Variants in ATXN1 observed in about 807,000 individuals in gnomAD.
ATXN1 encodes the protein ataxin 1, also known as ataxin-1.
A neutral mutation model predicts 56.4 loss-of-function variants in ATXN1; 8 were observed. The observed-to-expected ratio is 0.14, with a 90% CI of 0.08 to 0.26. ATXN1 has a LOEUF of 0.26. Ranked by LOEUF, ATXN1 falls within the 10% of genes least tolerant of loss-of-function variation. ATXN1 has a pLI of 1.00. For synonymous variants in ATXN1, 514 were observed against 494.6 expected (o/e 1.04, Z -0.52); for missense variants, 987 against 1,106.5 (o/e 0.89, Z 1.53).
intron 6 of ATXN1, among the ~76,000 whole-genome samples, chr6:16,354,548 A>G (rs1761644807): frequency 6.6e-6 from 1 of 152,022 alleles, no homozygotes; most frequent in Non-Finnish European, 1.5e-5. Flanking sequence ...CCGCACTCGG[A>G]CCCTTCTATT....
rs553080917 is a variant in ATXN1 at position 16,698,784 on chromosome 6, G to A, written c.-614-40883C>T. ...AACAAACAGGCTGTGTGTTGTAGGA[G>A]TGGTCATTTAACCGCACTAAGCCTC... On this transcript the variant is annotated intron_variant, in intron 2 of 7. Coordinates refer to ENST00000436367, the MANE Select transcript of ATXN1 (RefSeq NM_001128164.2). Among the ~76,000 whole-genome samples, 7 of 152,202 alleles carry A rather than the reference G, an allele frequency of 4.6e-5. No homozygotes were observed. In the South Asian group the frequency reaches 1.5e-3, roughly 32 times the overall value.
At chr6:16,408,587 T>C (rs905973095) in intron 6 of ATXN1, among the ~76,000 whole-genome samples, 2 of 152,174 alleles carry the variant, frequency 1.3e-5, no homozygotes, top group Non-Finnish European at 2.9e-5. Flanking sequence ...ATCACGTATT[T>C]TGTCACTTAC....
At chr6:16,710,515 C>G (rs1254649101) in intron 2 of ATXN1, among the ~76,000 whole-genome samples, 2 of 152,068 alleles carry the variant, frequency 1.3e-5, no homozygotes, top group Admixed American at 1.3e-4. Context: ...AGAGGACTCA[C>G]GCTATCTGTT....
intron 6 of ATXN1, among the ~76,000 whole-genome samples, chr6:16,419,479 A>G (rs1324651475): frequency 6.6e-6 from 1 of 151,832 alleles, no homozygotes; most frequent in Non-Finnish European, 1.5e-5. Context: ...TAATATTTTG[A>G]GTAATTTAAA....
chr6:16,305,272 C>CT lies in ATXN1; in HGVS notation c.*1056dup, dbSNP rs1760213890. 1 of 143,484 alleles carries CT rather than the reference C, an allele frequency of 7.0e-6. No homozygotes were observed. The highest frequency in any genetic ancestry group is 7.2e-5 in the Admixed American group (1 of 13,820). The allele number at this position is 143,484 out of a possible 1,614,324, so 8.9% of individuals were successfully genotyped here. ...CTAATTCCTCATGTCACACTGGAAT[C>CT]TGAAAAAAAAAAAAAGTGGCACCCG... is the stretch of plus-strand genomic sequence containing the variant. On this transcript the variant is annotated 3_prime_UTR_variant, in exon 8 of 8. Coordinates refer to ENST00000436367, the MANE Select transcript of ATXN1 (RefSeq NM_001128164.2).
At chr6:16,664,998 T>C (rs1758396277) in intron 2 of ATXN1, among the ~76,000 whole-genome samples, 1 of 152,056 alleles carries the variant, frequency 6.6e-6, no homozygotes, top group Admixed American at 6.5e-5. Flanking sequence ...GTGACAAGAG[T>C]GAGATCCATT....
At chr6:16,432,137 A>G (rs1306859917) in intron 6 of ATXN1, among the ~76,000 whole-genome samples, 2 of 152,230 alleles carry the variant, frequency 1.3e-5, no homozygotes, top group East Asian at 3.8e-4. Context: ...CCCCTCCTCC[A>G]AAAGTATTTA....
intron 6 of ATXN1, among the ~76,000 whole-genome samples, chr6:16,431,163 G>A (rs1049644506): frequency 6.6e-6 from 1 of 152,250 alleles, no homozygotes; most frequent in Middle Eastern, 3.4e-3. Flanking sequence ...CAGGAGCGTA[G>A]ATAGGAGTGG....
At position 16,591,540 on chromosome 6, in the gene ATXN1, C is replaced by T. The variant is rs570987705; in HGVS notation, c.-488-5633G>A. On this transcript the variant is annotated intron_variant, in intron 3 of 7. Transcript: ENST00000436367. ...TTCTTTGTTCATTATGCTGGTCCTT[C>T]AATCAGGGATGTCCTCATTCATTCA... Among the ~76,000 whole-genome samples, 10 of 152,296 alleles carry T rather than the reference C, an allele frequency of 6.6e-5. No homozygotes were observed. The South Asian group carries it at 2.1e-3, about 32-fold the overall frequency.
intron 6 of ATXN1, among the ~76,000 whole-genome samples, chr6:16,346,664 C>G (rs759618289): frequency 7.2e-5 from 11 of 152,096 alleles, no homozygotes; most frequent in Non-Finnish European, 1.3e-4. Context: ...TCTTTTTTGT[C>G]GCCGGGTCTC....
chr6:16,688,125 AT>A (rs538309540), intron 2 of ATXN1, among the ~76,000 whole-genome samples: 31 of 152,206 alleles, frequency 2.0e-4, no homozygotes, highest in Non-Finnish European at 4.0e-4. Flanking sequence ...ACTTGTGTAT[AT>A]TGTATCACAG....
rs188812693 is a variant in ATXN1, at chr6:16,548,331, G to C, written c.-360-25643C>G. On this transcript the variant is annotated intron_variant, in intron 4 of 7. Transcript: ENST00000436367. ...GTGAGTCAGTGAGTGGGTGGTGAGC[G>C]AATGTGAAGGCCTAGGACATTACTG... Among the ~76,000 whole-genome samples, 3 of 152,292 alleles carry C rather than the reference G, an allele frequency of 2.0e-5. No homozygotes were observed. In the East Asian group the frequency reaches 5.8e-4, roughly 29 times the overall value.
At chr6:16,670,682 AT>A (rs1162927967) in intron 2 of ATXN1, among the ~76,000 whole-genome samples, 2 of 152,224 alleles carry the variant, frequency 1.3e-5, no homozygotes, top group African/African-American at 4.8e-5. Flanking sequence ...GCCAAGTCGC[AT>A]TGATGCATTT....
chr6:16,413,563 T>A (rs1290654821), intron 6 of ATXN1, among the ~76,000 whole-genome samples: 1 of 152,022 alleles, frequency 6.6e-6, no homozygotes, highest in Non-Finnish European at 1.5e-5. Flanking sequence ...AATGGATGAG[T>A]GAATGTGAAT....
intron 6 of ATXN1, among the ~76,000 whole-genome samples, chr6:16,348,947 G>A (rs905066806): frequency 8.5e-5 from 13 of 152,178 alleles, no homozygotes. Flanking sequence ...TCTGATGCAA[G>A]TTAATTAATT....
chr6:16,515,569 T>C (rs1008111036), intron 5 of ATXN1, among the ~76,000 whole-genome samples: 2 of 152,238 alleles, frequency 1.3e-5, no homozygotes, highest in Non-Finnish European at 2.9e-5. Flanking sequence ...TTCTTTGGTC[T>C]GACACATGTG....
At chr6:16,561,650 CA>C (rs550397353) in intron 4 of ATXN1, among the ~76,000 whole-genome samples, 1 of 151,322 alleles carries the variant, frequency 6.6e-6, no homozygotes, top group African/African-American at 2.4e-5. Context: ...AAATGTGGAC[CA>C]AAAAAAAGAT....
At chr6:16,713,658 C>T (rs1214142830) in intron 2 of ATXN1, among the ~76,000 whole-genome samples, 1 of 152,160 alleles carries the variant, frequency 6.6e-6, no homozygotes, top group Non-Finnish European at 1.5e-5. Context: ...GTTCTCCACC[C>T]GCTTACTACC....
At chr6:16,511,039 G>A (rs1303100676) in intron 5 of ATXN1, among the ~76,000 whole-genome samples, 1 of 152,190 alleles carries the variant, frequency 6.6e-6, no homozygotes, top group Non-Finnish European at 1.5e-5. Flanking sequence ...GATTGCTACA[G>A]ATGGAAGATT....
Sources: allele counts gnomAD v4.1 joint callset (sites outside exome capture counted in the v4.1 genomes callset), GRCh38; gene constraint gnomAD v4.1.1; transcripts MANE v1.5; gene names NCBI Gene and HGNC (gene_info 2026-07-23, HGNC 2026-07-21).